Variants in NGEF observed in about 807,000 individuals in gnomAD.
NGEF encodes ephexin-1.
NGEF carries 31 observed loss-of-function variants against 80.9 expected under a neutral mutation model. The observed-to-expected ratio is 0.38, with a 90% CI of 0.29 to 0.52. NGEF has a LOEUF of 0.52. NGEF is among the 20% of genes least tolerant of loss of function. The pLI, the probability that NGEF is intolerant of heterozygous loss-of-function variation, is 0.84. For missense variants in NGEF, 709 were observed against 926.2 expected (o/e 0.77, Z 3.04); for synonymous variants, 371 against 370.2 (o/e 1.00, Z -0.03).
Position 232,881,131 on chromosome 2 carries a change from G to C in NGEF, c.1942+15C>G. 1 of 1,609,246 alleles carries C rather than the reference G, an allele frequency of 6.2e-7. No individual in the cohort carries two copies. The highest frequency in any genetic ancestry group is 8.5e-7 in the Non-Finnish European group (1 of 1,178,318). On this transcript the variant is annotated intron_variant, in intron 14 of 14. Coordinates refer to ENST00000264051, the MANE Select transcript of NGEF (RefSeq NM_019850.3). Reference sequence around the variant, plus strand: ...GTTCCCCTGGGGGCCCCGAGGGGAGGTCCCTGGGCCTCACCGTCGTCAGTC... The same window carrying C: ...GTTCCCCTGGGGGCCCCGAGGGGAGCTCCCTGGGCCTCACCGTCGTCAGTC...
intron 5 of NGEF, among the ~76,000 whole-genome samples, chr2:232,904,393 T>G (rs2106255327): frequency 6.6e-6 from 1 of 152,262 alleles, no homozygotes; most frequent in South Asian, 2.1e-4. Context: ...CATGGCAGGC[T>G]AATTTTTGTA....
intron 3 of NGEF, among the ~76,000 whole-genome samples, chr2:232,951,139 G>A (rs60039518): frequency 0.049 from 7,469 of 152,218 alleles, 279 homozygotes; most frequent in African/African-American, 0.089. Context: ...CATTTTGTGA[G>A]TGTGGCACTC....
At chr2:232,900,854 TG>T (rs1407607829) in intron 5 of NGEF, among the ~76,000 whole-genome samples, 3 of 152,194 alleles carry the variant, frequency 2.0e-5, no homozygotes, top group South Asian at 2.1e-4. Flanking sequence ...ACGCTGCCCG[TG>T]GGGCCAGGAC....
At chr2:232,945,586 C>T (rs556081181) in intron 3 of NGEF, among the ~76,000 whole-genome samples, 9 of 152,260 alleles carry the variant, frequency 5.9e-5, no homozygotes, top group African/African-American at 2.2e-4. Context: ...GGGTGCCAGC[C>T]ACCACCAGAA....
chr2:232,888,173 G>A (rs1422130677), intron 8 of NGEF, 66 bp from the exon 9 acceptor site: 4 of 1,219,994 alleles, frequency 3.3e-6, no homozygotes, highest in Admixed American at 2.1e-5. Context: ...TTCCCACCTT[G>A]ACCGTGACTA....
At chr2:232,981,551 C>T (rs981305111) in intron 1 of NGEF, among the ~76,000 whole-genome samples, 4 of 152,106 alleles carry the variant, frequency 2.6e-5, no homozygotes, top group Non-Finnish European at 4.4e-5. Flanking sequence ...GATCAGCTGA[C>T]ACCACCCAGA....
chr2:232,964,611 C>T (rs1286627503), intron 3 of NGEF, among the ~76,000 whole-genome samples: 2 of 152,158 alleles, frequency 1.3e-5, no homozygotes, highest in East Asian at 3.8e-4. Context: ...TCACTTGAAC[C>T]TGGGAGGTGG....
At chr2:232,905,067 TCCTCTCCCCTCTCC>T (rs1212343137) in intron 5 of NGEF, among the ~76,000 whole-genome samples, 3 of 150,280 alleles carry the variant, frequency 2.0e-5, no homozygotes, top group Non-Finnish European at 4.4e-5. Flanking sequence ...CTCTCCTCTC[TCCTCTCCCCTCTCC>T]CCTCTCCCCT....
chr2:232,881,087 G>A lies in NGEF; in HGVS notation c.1942+59C>T, dbSNP rs536337362. 47 of 1,372,610 alleles carry A rather than the reference G, an allele frequency of 3.4e-5. No individual in the cohort carries two copies. The African/African-American group carries it at 4.7e-4, about 14-fold the overall frequency. 85.0% of individuals were successfully genotyped at this position (1,372,610 alleles called of 1,614,324 possible). On this transcript the variant is annotated intron_variant, in intron 14 of 14. Transcript: ENST00000264051. The stretch of plus-strand genomic sequence containing the variant: ...GTGGCATCTGCTTCTCCCCCTCCCC[G>A]TCATCCCTTGTGGGGCAAGTTCCCC...
chr2:232,949,638 C>T (rs1337352367), intron 3 of NGEF, among the ~76,000 whole-genome samples: 6 of 151,520 alleles, frequency 4.0e-5, no homozygotes, highest in South Asian at 2.1e-4. Context: ...CCACCATGCC[C>T]GGCTAATTTT....
chr2:232,893,014 G>A lies in NGEF; in HGVS notation c.1026C>T (p.Asn342=), dbSNP rs780934015. Residue 342 remains asparagine, a synonymous_variant, in exon 7 of 15, where the codon AAC becomes AAT. Coordinates refer to ENST00000264051, the MANE Select transcript of NGEF (RefSeq NM_019850.3). ...LLELEHRMEE[N]IVISDVCDIV... is the part of the protein sequence containing the mutation. Reference sequence around the variant, plus strand: ...TGTCACACACGTCAGAGATGACGATGTTCTCCTCCATCCGGTGCTCCAGCT... The same window carrying A: ...TGTCACACACGTCAGAGATGACGATATTCTCCTCCATCCGGTGCTCCAGCT... 2 of 1,613,228 alleles carry A rather than the reference G, an allele frequency of 1.2e-6. No individual in the cohort carries two copies. The highest frequency in any genetic ancestry group is 2.2e-5 in the East Asian group (1 of 44,896).
At chr2:232,944,476 C>T (rs1283039612) in intron 3 of NGEF, among the ~76,000 whole-genome samples, 1 of 151,786 alleles carries the variant, frequency 6.6e-6, no homozygotes, top group Non-Finnish European at 1.5e-5. Context: ...AGTGCTATGG[C>T]GTTGTAGACA....
In NGEF at chr2:232,885,513, G is replaced by A. The variant is rs144533037; in HGVS notation, c.1348-144C>T. The A allele has an allele frequency of 9.6e-4, 640 of 666,546 alleles. 2 individuals are homozygous for A. The African/African-American group carries it at 0.01, about 11-fold the overall frequency. The allele number at this position is 666,546 out of a possible 1,614,324, so 41.3% of individuals were successfully genotyped here. A position where few individuals can be genotyped will look rare whatever the true frequency, so the allele number is the denominator to read the frequency against. On this transcript the variant is annotated intron_variant, in intron 9 of 14. Coordinates refer to ENST00000264051, the MANE Select transcript of NGEF (RefSeq NM_019850.3). ...AGCTGAGGCTGGCTGGCCAGTCTCA[G>A]TCGGACTGGAGCTCCTCTTTCTAGC...
chr2:232,953,540 G>A (rs1693729591), intron 3 of NGEF, among the ~76,000 whole-genome samples: 1 of 147,582 alleles, frequency 6.8e-6, no homozygotes, highest in Non-Finnish European at 1.5e-5. Flanking sequence ...AACATACATT[G>A]TTGATGACAC....
chr2:232,879,330 A>T lies in NGEF; in HGVS notation c.*159T>A. On this transcript the variant is annotated 3_prime_UTR_variant, in exon 15 of 15. Coordinates refer to ENST00000264051, the MANE Select transcript of NGEF (RefSeq NM_019850.3). ...GTTTGCGAGCAAGGGGCCAAGACAC[A>T]TGAGCACTCACTGCGTGGGCAGGGA... The T allele has an allele frequency of 3.0e-6, 2 of 675,980 alleles. No homozygotes were observed. The highest frequency in any genetic ancestry group is 2.8e-5 in the Admixed American group (1 of 35,654). 41.9% of individuals were successfully genotyped at this position (675,980 alleles called of 1,614,324 possible).
intron 3 of NGEF, among the ~76,000 whole-genome samples, chr2:232,954,542 G>A (rs554177606): frequency 1.8e-4 from 27 of 152,032 alleles, no homozygotes; most frequent in African/African-American, 3.6e-4. Context: ...TGGCTAACAC[G>A]GTGAAACGCC....
At chr2:232,896,668 G>GTGGGGGTGAGGGTAGGGA (rs1692080168) in intron 5 of NGEF, among the ~76,000 whole-genome samples, 1 of 21,474 alleles carries the variant, frequency 4.7e-5, no homozygotes, top group African/African-American at 2.6e-4. Context: ...GGGGGTAGGG[G>GTGGGGGTGAGGGTAGGGA]TGGGGGTGGG....
intron 1 of NGEF, among the ~76,000 whole-genome samples, chr2:233,009,551 C>A (rs1167313687): frequency 2.0e-5 from 3 of 151,756 alleles, no homozygotes; most frequent in Admixed American, 2.0e-4. Flanking sequence ...CTAATCCCAG[C>A]ACTTTGGGAG....
rs1691409786 is a variant in NGEF, at chr2:232,879,420, G to GCA, written c.*68_*69insTG. The GCA allele has an allele frequency of 8.9e-6, 11 of 1,231,488 alleles. 1 individual carries two copies. The East Asian group carries it at 2.5e-4, about 28-fold the overall frequency. 76.3% of individuals were successfully genotyped at this position (1,231,488 alleles called of 1,614,324 possible). On this transcript the variant is annotated 3_prime_UTR_variant, in exon 15 of 15. Transcript: ENST00000264051. ...GAGGTGCTGGCCTGTGCTTCCCAGAGCCCCCCCCCCCCCACCTTCTGTCGG... is the reference window on the plus strand; with the variant it reads ...GAGGTGCTGGCCTGTGCTTCCCAGAGCACCCCCCCCCCCCCACCTTCTGTCGG...
Sources: allele counts gnomAD v4.1 joint callset (sites outside exome capture counted in the v4.1 genomes callset), GRCh38; gene constraint gnomAD v4.1.1; transcripts MANE v1.5; gene names NCBI Gene and HGNC (gene_info 2026-07-23, HGNC 2026-07-21).